KCTD16: variants seen among roughly 807,000 people sequenced by gnomAD.
KCTD16 encodes BTB/POZ domain-containing protein KCTD16.
In KCTD16, 13 loss-of-function variants were observed where a neutral mutation model predicts 33.2. The observed-to-expected ratio is 0.39, with a 90% CI of 0.25 to 0.62. The LOEUF is 0.62. KCTD16 is among the 20% of genes least tolerant of loss of function. The pLI, the probability that KCTD16 is intolerant of heterozygous loss-of-function variation, is 0.50. For missense variants in KCTD16, 441 were observed against 525.1 expected, an observed-to-expected ratio of 0.84 and a Z score of 1.57; for synonymous variants, 197 against 195.3, an observed-to-expected ratio of 1.01 and a Z score of -0.07.
intron 3 of KCTD16, among the ~76,000 whole-genome samples, chr5:144,310,372 T>G (rs750433731): frequency 1.8e-4 from 28 of 152,150 alleles, no homozygotes; most frequent in Admixed American, 7.2e-4. Context: ...TGAGTGCAGG[T>G]GTCCCTTTGA....
At chr5:144,185,192 G>A (rs2126776267) in intron 2 of KCTD16, among the ~76,000 whole-genome samples, 1 of 152,244 alleles carries the variant, frequency 6.6e-6, no homozygotes. Flanking sequence ...TGGGTACCTA[G>A]GAAGTTGATT....
intron 3 of KCTD16, among the ~76,000 whole-genome samples, chr5:144,262,296 A>C (rs998111750): frequency 8.5e-5 from 13 of 152,228 alleles, no homozygotes; most frequent in Admixed American, 7.2e-4. Flanking sequence ...GAACTTGGCC[A>C]AAGCCTCATG....
intron 3 of KCTD16, among the ~76,000 whole-genome samples, chr5:144,220,778 A>G (rs1464599324): frequency 6.6e-6 from 1 of 152,070 alleles, no homozygotes; most frequent in African/African-American, 2.4e-5. Context: ...CGTCTCTACT[A>G]AAAATATAAA....
chr5:144,281,191 A>G (rs1755599735), intron 3 of KCTD16, among the ~76,000 whole-genome samples: 1 of 152,218 alleles, frequency 6.6e-6, no homozygotes, highest in Non-Finnish European at 1.5e-5. Flanking sequence ...CAAAAAATCA[A>G]AAGTTTTCCA....
At chr5:144,353,641 A>T (rs1314727438) in intron 3 of KCTD16, among the ~76,000 whole-genome samples, 1 of 152,182 alleles carries the variant, frequency 6.6e-6, no homozygotes, top group Non-Finnish European at 1.5e-5. Context: ...CCATGTGAAG[A>T]TATTTGAGAG....
intron 3 of KCTD16, among the ~76,000 whole-genome samples, chr5:144,465,058 T>C (rs991733928): frequency 1.3e-5 from 2 of 152,150 alleles, no homozygotes; most frequent in South Asian, 2.1e-4. Flanking sequence ...AGATTAAGCA[T>C]TGTAATTTTT....
At chr5:144,347,700 C>T (rs530364622) in intron 3 of KCTD16, among the ~76,000 whole-genome samples, 5 of 152,248 alleles carry the variant, frequency 3.3e-5, no homozygotes, top group South Asian at 4.1e-4. Context: ...AGTGAAAAGG[C>T]TGAGTCTGGG....
intron 3 of KCTD16, among the ~76,000 whole-genome samples, chr5:144,214,865 A>G (rs1753511439): frequency 1.3e-5 from 2 of 152,310 alleles, no homozygotes; most frequent in Middle Eastern, 6.8e-3. Flanking sequence ...GCCAGAAGCT[A>G]TATCTGTCAT....
At chr5:144,233,385 C>T (rs1233947392) in intron 3 of KCTD16, among the ~76,000 whole-genome samples, 1 of 152,004 alleles carries the variant, frequency 6.6e-6, no homozygotes, top group Non-Finnish European at 1.5e-5. Context: ...GGCTTGATAC[C>T]ATCAAGGTCA....
At chr5:144,316,238 T>C (rs1012411881) in intron 3 of KCTD16, among the ~76,000 whole-genome samples, 4 of 152,074 alleles carry the variant, frequency 2.6e-5, no homozygotes, top group Admixed American at 2.0e-4. Context: ...GCTCTAAGCA[T>C]TCAGCACTGC....
chr5:144,407,177 T>C (rs116329140), intron 3 of KCTD16, among the ~76,000 whole-genome samples: 2,713 of 145,420 alleles, frequency 0.019, 43 homozygotes, highest in Non-Finnish European at 0.025. Flanking sequence ...TCAGAAGTTT[T>C]CATCTTTTTT....
intron 3 of KCTD16, among the ~76,000 whole-genome samples, chr5:144,326,051 ATTATT>A (rs1752198398): frequency 1.3e-5 from 2 of 152,198 alleles, no homozygotes; most frequent in Non-Finnish European, 2.9e-5. Context: ...TTTTAATGTG[ATTATT>A]TTAATTATGT....
intron 3 of KCTD16, among the ~76,000 whole-genome samples, chr5:144,225,757 ACT>A (rs1580803237): frequency 6.6e-6 from 1 of 151,974 alleles, no homozygotes; most frequent in African/African-American, 2.4e-5. Flanking sequence ...CTAACCTGAA[ACT>A]CTGTTTAAAT....
intron 3 of KCTD16, among the ~76,000 whole-genome samples, chr5:144,273,184 G>A (rs1257535387): frequency 1.3e-5 from 2 of 152,014 alleles, no homozygotes; most frequent in Non-Finnish European, 1.5e-5. Context: ...CTCTAAAGAG[G>A]ATATAAAAAT....
intron 3 of KCTD16, among the ~76,000 whole-genome samples, chr5:144,372,429 A>G (rs1751989308): frequency 6.6e-6 from 1 of 152,204 alleles, no homozygotes. Context: ...TACACGGAAG[A>G]TAGTGTTTTC....
At chr5:144,286,724 AT>A (rs1343620397) in intron 3 of KCTD16, among the ~76,000 whole-genome samples, 1 of 152,172 alleles carries the variant, frequency 6.6e-6, no homozygotes, top group Non-Finnish European at 1.5e-5. Flanking sequence ...TCCATGATTA[AT>A]TTTAAGAATA....
chr5:144,207,235 G>A lies in KCTD16; in HGVS notation c.521G>A (p.Cys174Tyr), dbSNP rs1251721402. The A allele has an allele frequency of 1.2e-6, 2 of 1,614,140 alleles. No homozygotes were observed. Among genetic ancestry groups the A allele is most frequent in the Non-Finnish European group, 1.7e-6 (2 of 1,180,032 alleles). The change falls in exon 3 of 4, where the codon TGC becomes TAC. Residue 174 changes from cysteine (C) to tyrosine (Y), a missense_variant. Cys to Tyr is a radical substitution (Grantham distance 194). This residue lies in a region of KCTD16 where 355 missense variants were observed against 413.0 expected (regional missense o/e 0.86). Coordinates refer to ENST00000512467, the MANE Select transcript of KCTD16 (RefSeq NM_020768.4). ...ATTACTGTGGGTTACAGAGGATCCT[G>A]CACCTTGGGCAGAGAGGGACAGGCA... The part of the protein sequence containing the change: ...GFITVGYRGS[C>Y]TLGREGQADA...
chr5:144,292,409 T>C (rs886718454), intron 3 of KCTD16, among the ~76,000 whole-genome samples: 2 of 152,178 alleles, frequency 1.3e-5, no homozygotes, highest in African/African-American at 4.8e-5. Context: ...AGGAATTTAT[T>C]GTAGCCCATG....
intron 3 of KCTD16, among the ~76,000 whole-genome samples, chr5:144,451,747 G>C (rs1347012305): frequency 6.6e-6 from 1 of 152,070 alleles, no homozygotes; most frequent in Non-Finnish European, 1.5e-5. Context: ...GTGAGTTTGA[G>C]GGACTTTGTA....
Sources: gnomAD v4.1 joint callset for allele counts (sites outside exome capture counted in the v4.1 genomes callset) on GRCh38, gnomAD v4.1.1 for gene constraint, gnomAD v4.1.1 regional missense constraint, MANE v1.5 for transcripts, NCBI Gene and HGNC (gene_info 2026-07-23, HGNC 2026-07-21) for gene names.